GPC5: variants seen among roughly 807,000 people sequenced by gnomAD.
The protein encoded by GPC5 is glypican-5.
GPC5 carries 47 observed loss-of-function variants against 53.9 expected under a neutral mutation model. The observed-to-expected ratio is 0.87, with a 90% confidence interval of 0.69 to 1.11. The LOEUF is 1.11. Ranked by LOEUF, GPC5 falls within the 50% of genes most tolerant of loss-of-function variation. The pLI is 0.00. For synonymous variants in GPC5, 286 were observed against 263.3 expected, an observed-to-expected ratio of 1.09 and a Z score of -0.84; for missense variants, 748 against 713.1, an observed-to-expected ratio of 1.05 and a Z score of -0.56.
At chr13:92,852,032 G>T (rs543478142) in intron 7 of GPC5, among the ~76,000 whole-genome samples, 2 of 152,040 alleles carry the variant, frequency 1.3e-5, no homozygotes, top group Admixed American at 6.5e-5. Context: ...TTTATTCCTC[G>T]CTGGTCCCAG....
At chr13:91,772,900 C>A (rs2037649804) in intron 5 of GPC5, among the ~76,000 whole-genome samples, 1 of 151,970 alleles carries the variant, frequency 6.6e-6, no homozygotes, top group Non-Finnish European at 1.5e-5. Context: ...TGCCTTTGGC[C>A]ATCACAATTA....
chr13:92,534,960 C>T (rs948174878), intron 7 of GPC5, among the ~76,000 whole-genome samples: 5 of 152,258 alleles, frequency 3.3e-5, no homozygotes, highest in African/African-American at 1.2e-4. Flanking sequence ...GTAATCATTT[C>T]CTTGATCTTA....
intron 6 of GPC5, among the ~76,000 whole-genome samples, chr13:91,921,362 G>A (rs1227430167): frequency 1.3e-5 from 2 of 152,272 alleles, no homozygotes; most frequent in Non-Finnish European, 2.9e-5. Flanking sequence ...GGATGACTGT[G>A]AGAGGAAGTT....
chr13:91,804,244 G>T (rs1482851486), intron 5 of GPC5, among the ~76,000 whole-genome samples: 6 of 152,106 alleles, frequency 3.9e-5, no homozygotes, highest in Non-Finnish European at 5.9e-5. Flanking sequence ...AGTTATTCTT[G>T]ATTTTAAAAA....
chr13:92,392,119 G>A (rs1421050917), intron 7 of GPC5, among the ~76,000 whole-genome samples: 2 of 152,162 alleles, frequency 1.3e-5, no homozygotes, highest in African/African-American at 4.8e-5. Flanking sequence ...TTTAGCAGCT[G>A]TCATACTTTT....
chr13:91,664,315 G>A (rs998908300), intron 2 of GPC5, among the ~76,000 whole-genome samples: 6 of 152,216 alleles, frequency 3.9e-5, no homozygotes, highest in Non-Finnish European at 8.8e-5. Flanking sequence ...GAGGGAAAGC[G>A]CTCAGAAGCT....
At chr13:92,225,298 T>A (rs574942822) in intron 7 of GPC5, among the ~76,000 whole-genome samples, 1 of 152,356 alleles carries the variant, frequency 6.6e-6, no homozygotes, top group Admixed American at 6.5e-5. Context: ...CATTTTAAGC[T>A]ATTTGAATGT....
rs117910802 is a variant in GPC5, at chr13:91,668,724, G to A, written c.326-24463G>A. Among the ~76,000 whole-genome samples, 331 of 152,214 alleles carry A rather than the reference G, an allele frequency of 2.2e-3. 7 individuals carry two copies. In the East Asian group the frequency reaches 0.041, roughly 19 times the overall value. Reference sequence around the variant, plus strand: ...TCCAGACTATCATAACAATGTAAAAGTCCAGTTGGTTCTTATTAATCATTA... The same window carrying A: ...TCCAGACTATCATAACAATGTAAAAATCCAGTTGGTTCTTATTAATCATTA... On this transcript the variant is annotated intron_variant, in intron 2 of 7. Transcript: ENST00000377067.
chr13:91,658,275 T>C (rs2034896168), intron 2 of GPC5, among the ~76,000 whole-genome samples: 1 of 152,190 alleles, frequency 6.6e-6, no homozygotes, highest in Non-Finnish European at 1.5e-5. Context: ...GTAATACTGA[T>C]AAAATTCAAT....
intron 7 of GPC5, among the ~76,000 whole-genome samples, chr13:92,402,338 T>C (rs2139338189): frequency 6.6e-6 from 1 of 152,330 alleles, no homozygotes; most frequent in East Asian, 1.9e-4. Flanking sequence ...AAATAAGCAG[T>C]GACATAGAAC....
chr13:92,265,395 C>G (rs930162531), intron 7 of GPC5, among the ~76,000 whole-genome samples: 6 of 152,032 alleles, frequency 3.9e-5, no homozygotes, highest in African/African-American at 1.4e-4. Context: ...TTTCATAAAG[C>G]CTTTGGGGAT....
chr13:92,628,270 T>TC (rs1334778838), intron 7 of GPC5, among the ~76,000 whole-genome samples: 1 of 85,974 alleles, frequency 1.2e-5, no homozygotes, highest in Non-Finnish European at 2.0e-5. Flanking sequence ...CTTTCTTTTT[T>TC]TTTTTTTTTT....
At chr13:92,310,532 T>C (rs1289264537) in intron 7 of GPC5, among the ~76,000 whole-genome samples, 1 of 152,182 alleles carries the variant, frequency 6.6e-6, no homozygotes, top group African/African-American at 2.4e-5. Flanking sequence ...GCATTTCATT[T>C]CATGCTGGCT....
chr13:91,640,404 A>C (rs1358110004), intron 2 of GPC5, among the ~76,000 whole-genome samples: 2 of 152,230 alleles, frequency 1.3e-5, no homozygotes, highest in Non-Finnish European at 2.9e-5. Flanking sequence ...TCATTAGATA[A>C]ATGCAAATCA....
At chr13:91,415,488 T>A (rs1021649674) in intron 1 of GPC5, among the ~76,000 whole-genome samples, 2 of 152,112 alleles carry the variant, frequency 1.3e-5, no homozygotes, top group Admixed American at 1.3e-4. Flanking sequence ...GACCTGGTGT[T>A]TCACTTCACC....
At chr13:91,509,353 T>G (rs1417315878) in intron 2 of GPC5, among the ~76,000 whole-genome samples, 2 of 106,424 alleles carry the variant, frequency 1.9e-5, no homozygotes, top group African/African-American at 2.7e-5. Context: ...TCTCAAAATA[T>G]TCTATGAAGT....
chr13:92,245,666 G>C (rs73627798), intron 7 of GPC5, among the ~76,000 whole-genome samples: 1 of 152,112 alleles, frequency 6.6e-6, no homozygotes, highest in Non-Finnish European at 1.5e-5. Context: ...TAGCTGTAGA[G>C]TTTGACATAG....
intron 7 of GPC5, among the ~76,000 whole-genome samples, chr13:92,702,261 C>G (rs1033591298): frequency 2.6e-5 from 4 of 152,108 alleles, no homozygotes; most frequent in Non-Finnish European, 5.9e-5. Flanking sequence ...CAGTGTGTGG[C>G]TTTAAATCCA....
chr13:91,873,039 G>A (rs1007553219), intron 5 of GPC5, among the ~76,000 whole-genome samples: 9 of 152,138 alleles, frequency 5.9e-5, no homozygotes, highest in Non-Finnish European at 1.0e-4. Flanking sequence ...CATAGATGCA[G>A]TATTTTTCTA....
Sources: gnomAD v4.1 joint callset for allele counts (sites outside exome capture counted in the v4.1 genomes callset) on GRCh38, gnomAD v4.1.1 for gene constraint, MANE v1.5 for transcripts, NCBI Gene and HGNC (gene_info 2026-07-23, HGNC 2026-07-21) for gene names.